SRGAP2B: variants seen among roughly 807,000 people sequenced by gnomAD.
The protein encoded by SRGAP2B is SLIT-ROBO Rho GTPase activating protein 2B.
Under a neutral mutation model 22.2 loss-of-function variants are expected in SRGAP2B, and 9 were observed. The ratio of observed to expected loss-of-function variants is 0.41; its 90% CI spans 0.24 to 0.71. SRGAP2B has a LOEUF of 0.71. Ranked by LOEUF, SRGAP2B falls within the 30% of genes least tolerant of loss-of-function variation. The pLI is 0.35. For synonymous variants in SRGAP2B, 36 were observed against 87.4 expected (o/e 0.41, Z 3.28); for missense variants, 114 against 235.8 (o/e 0.48, Z 3.38).
chr1:144,993,642 T>G (rs1670433197), intron 3 of SRGAP2B, among the ~76,000 whole-genome samples: 1 of 148,084 alleles, frequency 6.8e-6, no homozygotes, highest in African/African-American at 2.6e-5. Context: ...AGCCCAAGAG[T>G]TTGAGGCTGC....
At chr1:144,901,383 GTAATGAA>G (rs1362944982) in intron 7 of SRGAP2B, among the ~76,000 whole-genome samples, 4 of 85,530 alleles carry the variant, frequency 4.7e-5, no homozygotes, top group Non-Finnish European at 8.9e-5. Flanking sequence ...CTTAAAGCAA[GTAATGAA>G]TAATGTTAAG....
intron 3 of SRGAP2B, among the ~76,000 whole-genome samples, chr1:144,965,621 C>G (rs11249375): frequency 8.1e-6 from 1 of 123,736 alleles, no homozygotes; most frequent in African/African-American, 3.9e-5. Context: ...TCACCAGCAA[C>G]GGAACAAAGC....
intron 3 of SRGAP2B, among the ~76,000 whole-genome samples, chr1:144,990,734 G>A (rs1309420724): frequency 2.0e-5 from 3 of 151,112 alleles, no homozygotes; most frequent in East Asian, 3.9e-4. Flanking sequence ...GGTGGGCCCC[G>A]CACTCGGAGC....
chr1:144,928,432 TTTA>T (rs2101818406), intron 4 of SRGAP2B, among the ~76,000 whole-genome samples: 1 of 125,108 alleles, frequency 8.0e-6, no homozygotes, highest in South Asian at 2.5e-4. Context: ...TATTTATTTA[TTTA>T]TTTATTTATT....
chr1:144,952,505 T>TC (rs1186610474), intron 4 of SRGAP2B, among the ~76,000 whole-genome samples: 1 of 150,200 alleles, frequency 6.7e-6, no homozygotes, highest in East Asian at 1.9e-4. Flanking sequence ...TGAATCAATT[T>TC]TTTTTTTTTT....
intron 2 of SRGAP2B, among the ~76,000 whole-genome samples, chr1:145,068,989 G>C (rs1454607600): frequency 1.4e-5 from 2 of 144,232 alleles, no homozygotes; most frequent in African/African-American, 2.6e-5. Context: ...GTAACCAGAA[G>C]AACTGCTGCA....
chr1:144,999,137 C>G (rs1670936481), intron 2 of SRGAP2B, among the ~76,000 whole-genome samples: 1 of 151,002 alleles, frequency 6.6e-6, no homozygotes, highest in Non-Finnish European at 1.5e-5. Flanking sequence ...CACCATGCTT[C>G]ACGATACCAA....
At chr1:145,079,704 AC>A (rs1436374524) in intron 2 of SRGAP2B, among the ~76,000 whole-genome samples, 1 of 122,202 alleles carries the variant, frequency 8.2e-6, no homozygotes, top group African/African-American at 3.4e-5. Flanking sequence ...ACAGACTATT[AC>A]TAGCCTATTC....
At chr1:144,972,061 G>C (rs1202861720) in intron 3 of SRGAP2B, among the ~76,000 whole-genome samples, 1 of 150,024 alleles carries the variant, frequency 6.7e-6, no homozygotes, top group African/African-American at 2.5e-5. Flanking sequence ...AACCCAGAGG[G>C]AGCAAAACTG....
intron 2 of SRGAP2B, among the ~76,000 whole-genome samples, chr1:145,011,386 T>G (rs1672040070): frequency 7.0e-6 from 1 of 143,472 alleles, no homozygotes; most frequent in Admixed American, 6.9e-5. Flanking sequence ...CAGATCCCAT[T>G]CCATTCTATG....
At chr1:145,007,613 C>A (rs1313274595) in intron 2 of SRGAP2B, among the ~76,000 whole-genome samples, 2 of 150,700 alleles carry the variant, frequency 1.3e-5, no homozygotes, top group African/African-American at 5.0e-5. Context: ...AAAATGCCAG[C>A]TCCACCACCT....
intron 3 of SRGAP2B, among the ~76,000 whole-genome samples, chr1:144,985,182 T>C (rs1164475392): frequency 2.3e-5 from 3 of 129,310 alleles, no homozygotes; most frequent in African/African-American, 9.6e-5. Flanking sequence ...CCTGACTAGA[T>C]TATAATTTCA....
chr1:144,957,179 C>T (rs1667328718), intron 3 of SRGAP2B, among the ~76,000 whole-genome samples: 1 of 150,984 alleles, frequency 6.6e-6, no homozygotes, highest in African/African-American at 2.5e-5. Context: ...AGTCAGACTC[C>T]TACTACAAGG....
chr1:144,970,027 A>G (rs1407774429), intron 3 of SRGAP2B, among the ~76,000 whole-genome samples: 2 of 149,936 alleles, frequency 1.3e-5, no homozygotes, highest in Non-Finnish European at 1.5e-5. Flanking sequence ...GGAGAAATAC[A>G]AACACTTTTA....
At chr1:144,971,018 A>T (rs1668472924) in intron 3 of SRGAP2B, among the ~76,000 whole-genome samples, 1 of 150,804 alleles carries the variant, frequency 6.6e-6, no homozygotes, top group East Asian at 1.9e-4. Context: ...ATACCCACGA[A>T]ACAAAGTGAC....
At chr1:144,945,499 T>C (rs587618160) in intron 4 of SRGAP2B, among the ~76,000 whole-genome samples, 5 of 151,968 alleles carry the variant, frequency 3.3e-5, no homozygotes, top group Non-Finnish European at 5.9e-5. Context: ...ATGGAAGGAC[T>C]GGGATTGCTT....
chr1:144,925,718 GAGAGAAAGA>G (rs1664633410), intron 4 of SRGAP2B, among the ~76,000 whole-genome samples: 1 of 136,696 alleles, frequency 7.3e-6, no homozygotes, highest in Admixed American at 7.6e-5. Context: ...AAGAGAGAGA[GAGAGAAAGA>G]AAAGAAAGAA....
intron 4 of SRGAP2B, among the ~76,000 whole-genome samples, chr1:144,953,889 CT>C (rs1667071413): frequency 6.7e-6 from 1 of 149,578 alleles, no homozygotes; most frequent in South Asian, 2.1e-4. Context: ...CAGTCAAGCC[CT>C]TTCCTTCTTG....
intron 4 of SRGAP2B, among the ~76,000 whole-genome samples, chr1:144,933,097 C>G (rs1172587205): frequency 6.6e-6 from 1 of 151,518 alleles, no homozygotes; most frequent in African/African-American, 2.4e-5. Flanking sequence ...GATTTGTGGA[C>G]GCCAAGCCAA....
Sources: gnomAD v4.1 joint callset for allele counts (sites outside exome capture counted in the v4.1 genomes callset) on GRCh38, gnomAD v4.1.1 for gene constraint, MANE v1.5 for transcripts, NCBI Gene and HGNC (gene_info 2026-07-23, HGNC 2026-07-21) for gene names.